The following STUM variants were observed in gnomAD, a reference collection of about 807,000 sequenced individuals.
STUM encodes the protein stum, mechanosensory transduction mediator homolog.
A neutral mutation model predicts 15.3 loss-of-function variants in STUM; 8 were observed. That is an observed-to-expected ratio of 0.52 (90% CI 0.31 to 0.94). The LOEUF (loss-of-function observed/expected upper bound fraction) is 0.94, where lower values mean the gene tolerates loss of function less well. Ranked by LOEUF, STUM falls within the 40% of genes least tolerant of loss-of-function variation. STUM has a pLI of 0.05. For synonymous variants in STUM, 78 were observed against 88.7 expected (o/e 0.88, Z 0.68); for missense variants, 142 against 204.9 (o/e 0.69, Z 1.87).
At chr1:226,563,436 C>G (rs1231283447) in intron 1 of STUM, among the ~76,000 whole-genome samples, 2 of 152,224 alleles carry the variant, frequency 1.3e-5, no homozygotes, top group African/African-American at 4.8e-5. Context: ...TTTATTGCAG[C>G]CATTTGGGAG....
intron 2 of STUM, among the ~76,000 whole-genome samples, chr1:226,598,420 G>C (rs926565700): frequency 6.6e-6 from 1 of 152,200 alleles, no homozygotes; most frequent in Non-Finnish European, 1.5e-5. Flanking sequence ...AGGAACCTCT[G>C]CATTAAAGCG....
intron 2 of STUM, among the ~76,000 whole-genome samples, chr1:226,597,856 A>G (rs1011295997): frequency 1.3e-5 from 2 of 152,220 alleles, no homozygotes; most frequent in African/African-American, 4.8e-5. Context: ...CTGCACTGCC[A>G]GGGTCTCCCA....
chr1:226,590,965 G>A (rs1466351461), intron 1 of STUM, among the ~76,000 whole-genome samples: 3 of 152,172 alleles, frequency 2.0e-5, no homozygotes, highest in African/African-American at 7.2e-5. Flanking sequence ...GGCGGGGGTG[G>A]CAAGTTCCCA....
chr1:226,569,144 C>T (rs928000545), intron 1 of STUM, among the ~76,000 whole-genome samples: 2 of 152,090 alleles, frequency 1.3e-5, no homozygotes, highest in African/African-American at 2.4e-5. Flanking sequence ...GGTGACTTAA[C>T]CTCTCTGTGC....
intron 1 of STUM, among the ~76,000 whole-genome samples, chr1:226,568,058 GAC>G (rs1667651408): frequency 6.6e-6 from 1 of 152,156 alleles, no homozygotes; most frequent in Non-Finnish European, 1.5e-5. Flanking sequence ...ATGTGCCTAA[GAC>G]AAGTGCACAT....
chr1:226,598,968 G>A (rs968662247), intron 2 of STUM, among the ~76,000 whole-genome samples: 3 of 152,198 alleles, frequency 2.0e-5, no homozygotes, highest in South Asian at 4.1e-4. Context: ...CAATCATGGC[G>A]AAAGGCAAGG....
chr1:226,605,840 G>A lies in STUM; in HGVS notation c.*3800G>A, dbSNP rs1190947204. The A allele has an allele frequency of 1.3e-5, 2 of 152,350 alleles. No homozygotes were observed. Among genetic ancestry groups the A allele is most frequent in the African/African-American group, 2.4e-5 (1 of 41,446 alleles). The allele number at this position is 152,350 out of a possible 1,614,324, so 9.4% of individuals were successfully genotyped here. On this transcript the variant is annotated 3_prime_UTR_variant, in exon 4 of 4. Coordinates refer to ENST00000366788, the MANE Select transcript of STUM (RefSeq NM_001003665.4). The surrounding 1 kb of genome is among the most constrained non-coding windows in gnomAD (Gnocchi z 4.0). ...AGGTGCCCCTTCCTGAGGGTGTTGG[G>A]GGATGGCGGCAGAGAGACAGCTGGT... is the stretch of plus-strand genomic sequence containing the variant.
At chr1:226,589,734 G>GCAGGAACAGCATGCA (rs1451369964) in intron 1 of STUM, among the ~76,000 whole-genome samples, 1 of 152,114 alleles carries the variant, frequency 6.6e-6, no homozygotes, top group Non-Finnish European at 1.5e-5. Flanking sequence ...AACAGCATGC[G>GCAGGAACAGCATGCA]CAGGGCCAGC....
intron 1 of STUM, among the ~76,000 whole-genome samples, chr1:226,570,392 C>A (rs1376791343): frequency 6.6e-6 from 1 of 152,142 alleles, no homozygotes; most frequent in Non-Finnish European, 1.5e-5. Context: ...TCAGAGCAAC[C>A]AATGATGCCC....
chr1:226,571,128 G>A (rs1399966001), intron 1 of STUM, among the ~76,000 whole-genome samples: 1 of 152,126 alleles, frequency 6.6e-6, no homozygotes, highest in Non-Finnish European at 1.5e-5. Context: ...CTATTCGGGA[G>A]GCTGAGGCAG....
In STUM at chr1:226,549,017, A is replaced by G. The variant is rs1667323917; in HGVS notation, c.113A>G (p.Lys38Arg). The G allele has an allele frequency of 6.3e-7, 1 of 1,580,372 alleles. No individual in the cohort carries two copies. Among genetic ancestry groups the G allele is most frequent in the Non-Finnish European group, 8.6e-7 (1 of 1,166,674 alleles). ...SSGVVVQVRE[K>R]KGPLRAAIPY... Reference sequence around the variant, plus strand: ...GGGGTGGTGGTGCAGGTCCGCGAGAAGAAGGGCCCCCTGCGCGCCGCCATC... The same window carrying G: ...GGGGTGGTGGTGCAGGTCCGCGAGAGGAAGGGCCCCCTGCGCGCCGCCATC... The change falls in exon 1 of 4, where the codon AAG becomes AGG. Residue 38 changes from lysine to arginine, a missense_variant. By Grantham distance (26) the Lys-to-Arg change is conservative (BLOSUM62 2). Coordinates refer to ENST00000366788, the MANE Select transcript of STUM (RefSeq NM_001003665.4). This position sits in a 1 kb window ranked among gnomAD's most constrained non-coding sequence, Gnocchi z 6.8.
chr1:226,570,076 C>A (rs1198773838), intron 1 of STUM, among the ~76,000 whole-genome samples: 1 of 152,168 alleles, frequency 6.6e-6, no homozygotes, highest in Non-Finnish European at 1.5e-5. Context: ...TCCCTGGAGG[C>A]CCTCCTTCAC....
intron 1 of STUM, among the ~76,000 whole-genome samples, chr1:226,580,418 G>A (rs1667899510): frequency 6.6e-6 from 1 of 152,144 alleles, no homozygotes; most frequent in South Asian, 2.1e-4. Flanking sequence ...GTGGAGGGGA[G>A]AGGATCTTAG....
At chr1:226,588,608 T>C (rs1223355726) in intron 1 of STUM, among the ~76,000 whole-genome samples, 6 of 152,226 alleles carry the variant, frequency 3.9e-5, no homozygotes, top group Non-Finnish European at 7.3e-5. Context: ...CCAGAAGTAT[T>C]TGTGAAACTT....
At chr1:226,585,681 G>T (rs1053657218) in intron 1 of STUM, among the ~76,000 whole-genome samples, 5 of 152,180 alleles carry the variant, frequency 3.3e-5, no homozygotes, top group African/African-American at 1.2e-4. Flanking sequence ...TGTTCTGTGG[G>T]TTATTTGCCT....
chr1:226,553,955 C>A (rs936232897), intron 1 of STUM, among the ~76,000 whole-genome samples: 2 of 152,134 alleles, frequency 1.3e-5, no homozygotes, highest in African/African-American at 2.4e-5. Flanking sequence ...TTATTGTTCC[C>A]AATTATTCAC....
At chr1:226,591,531 C>A (rs1571811012) in intron 1 of STUM, among the ~76,000 whole-genome samples, 1 of 152,166 alleles carries the variant, frequency 6.6e-6, no homozygotes, top group Non-Finnish European at 1.5e-5. Context: ...TTTGCACAGC[C>A]CTGCTCATCT....
intron 2 of STUM, among the ~76,000 whole-genome samples, chr1:226,599,650 T>C (rs1485963219): frequency 6.6e-6 from 1 of 152,216 alleles, no homozygotes; most frequent in Non-Finnish European, 1.5e-5. Context: ...GTCAGAGAAA[T>C]CTAGATGAAA....
chr1:226,601,067 G>A (rs1423782475), intron 3 of STUM, among the ~76,000 whole-genome samples: 5 of 152,072 alleles, frequency 3.3e-5, no homozygotes, highest in African/African-American at 7.2e-5. Context: ...AGGAATAACC[G>A]CTCGGCAAAT....
Sources: allele counts gnomAD v4.1 joint callset (sites outside exome capture counted in the v4.1 genomes callset), GRCh38; gene constraint gnomAD v4.1.1; non-coding constraint Gnocchi (gnomAD v3.1); transcripts MANE v1.5; gene names NCBI Gene and HGNC (gene_info 2026-07-23, HGNC 2026-07-21).